SRPK2: variants seen among roughly 807,000 people sequenced by gnomAD.
The protein encoded by SRPK2 is SRSF protein kinase 2.
A neutral mutation model predicts 90.8 loss-of-function variants in SRPK2; 21 were observed. That is an observed-to-expected ratio of 0.23 (90% CI 0.16 to 0.33). The LOEUF (loss-of-function observed/expected upper bound fraction) is 0.33, where lower values mean the gene tolerates loss of function less well. SRPK2 is among the 10% of genes least tolerant of loss of function. The pLI, the probability that SRPK2 is intolerant of heterozygous loss-of-function variation, is 1.00. For missense variants in SRPK2, 620 were observed against 869.0 expected (o/e 0.71, Z 3.60); for synonymous variants, 288 against 311.1 (o/e 0.93, Z 0.78).
intron 2 of SRPK2, among the ~76,000 whole-genome samples, chr7:105,246,943 C>T (rs1673856341): frequency 6.6e-6 from 1 of 152,138 alleles, no homozygotes; most frequent in Non-Finnish European, 1.5e-5. Flanking sequence ...CTTCCAAGAG[C>T]CAGGCAGGTG....
At chr7:105,148,976 C>T (rs1160451860) in intron 7 of SRPK2, among the ~76,000 whole-genome samples, 1 of 152,170 alleles carries the variant, frequency 6.6e-6, no homozygotes, top group Non-Finnish European at 1.5e-5. Flanking sequence ...GCTGCAGGGA[C>T]CTCTGCCCTT....
chr7:105,300,291 A>C (rs1368119116), intron 2 of SRPK2, among the ~76,000 whole-genome samples: 1 of 149,248 alleles, frequency 6.7e-6, no homozygotes, highest in Non-Finnish European at 1.5e-5. Flanking sequence ...ATATATATAC[A>C]TATTTAGAAC....
At chr7:105,303,165 G>A (rs1003265186) in intron 2 of SRPK2, among the ~76,000 whole-genome samples, 3 of 152,096 alleles carry the variant, frequency 2.0e-5, no homozygotes, top group Non-Finnish European at 4.4e-5. Context: ...TCCCTTGTAG[G>A]GACATGGATG....
intron 2 of SRPK2, among the ~76,000 whole-genome samples, chr7:105,348,672 C>T (rs111843196): frequency 0.44 from 66,203 of 150,520 alleles, 16,005 homozygotes; most frequent in Non-Finnish European, 0.54. Context: ...ATCCAACTGC[C>T]TCGGCCTCCC....
chr7:105,317,577 GA>G (rs1234012564), intron 2 of SRPK2, among the ~76,000 whole-genome samples: 1 of 152,050 alleles, frequency 6.6e-6, no homozygotes, highest in Non-Finnish European at 1.5e-5. Flanking sequence ...TTGCTTTAAA[GA>G]AAATATACAA....
chr7:105,388,947 A>G (rs1388619301), upstream of SRPK2: 1 of 1,174,368 alleles, frequency 8.5e-7, no homozygotes. Context: ...CCGCCGCTCC[A>G]GCAGGGACCC....
intron 2 of SRPK2, among the ~76,000 whole-genome samples, chr7:105,236,383 TCAAC>T (rs1800144132): frequency 6.6e-6 from 1 of 152,160 alleles, no homozygotes; most frequent in African/African-American, 2.4e-5. Flanking sequence ...CATCTTCCCA[TCAAC>T]AGTATATCAT....
intron 2 of SRPK2, among the ~76,000 whole-genome samples, chr7:105,306,888 T>C (rs1289159872): frequency 2.6e-5 from 4 of 152,196 alleles, no homozygotes; most frequent in African/African-American, 9.7e-5. Flanking sequence ...ACTTACAACT[T>C]GATTATAGAT....
intron 7 of SRPK2, among the ~76,000 whole-genome samples, chr7:105,149,587 T>G (rs1321304379): frequency 6.6e-6 from 1 of 152,216 alleles, no homozygotes; most frequent in African/African-American, 2.4e-5. Context: ...TTTGTCTCTG[T>G]GTCTTATTTC....
intron 2 of SRPK2, among the ~76,000 whole-genome samples, chr7:105,300,570 T>G (rs141422178): frequency 6.8e-4 from 103 of 152,218 alleles, no homozygotes; most frequent in African/African-American, 2.5e-3. Flanking sequence ...AAAAATGACC[T>G]GAGTACAACC....
At chr7:105,155,982 G>A (rs1273375519) in intron 7 of SRPK2, among the ~76,000 whole-genome samples, 1 of 152,104 alleles carries the variant, frequency 6.6e-6, no homozygotes, top group Admixed American at 6.5e-5. Context: ...AAAAACGTAA[G>A]CTGGTAGATT....
At chr7:105,136,732 C>T (rs1056610020) in intron 11 of SRPK2, among the ~76,000 whole-genome samples, 5 of 152,286 alleles carry the variant, frequency 3.3e-5, no homozygotes, top group East Asian at 1.9e-4. Context: ...GGGGTCCTTA[C>T]AAGGACGACA....
At chr7:105,140,413 C>T (rs1418751323) in intron 11 of SRPK2, among the ~76,000 whole-genome samples, 2 of 151,982 alleles carry the variant, frequency 1.3e-5, no homozygotes, top group Non-Finnish European at 2.9e-5. Flanking sequence ...CCAGCCTGGC[C>T]AACATGGTGA....
intron 2 of SRPK2, among the ~76,000 whole-genome samples, chr7:105,342,257 G>C (rs1205960478): frequency 6.6e-6 from 1 of 151,766 alleles, no homozygotes; most frequent in African/African-American, 2.4e-5. Context: ...CCGGGAAGCA[G>C]AGGTTGCGGT....
chr7:105,301,766 C>T, intron 2 of SRPK2: 7 of 1,591,526 alleles, frequency 4.4e-6, no homozygotes, highest in Non-Finnish European at 6.0e-6. Flanking sequence ...GTATATTAGC[C>T]AAGTTACAGG....
At chr7:105,225,952 C>T (rs1236063280) in intron 2 of SRPK2, among the ~76,000 whole-genome samples, 2 of 152,122 alleles carry the variant, frequency 1.3e-5, no homozygotes, top group East Asian at 1.9e-4. Context: ...CAGCCACATG[C>T]GGGGGTTAGC....
chr7:105,174,515 T>C (rs772474862), intron 3 of SRPK2, among the ~76,000 whole-genome samples: 3 of 151,926 alleles, frequency 2.0e-5, no homozygotes, highest in Non-Finnish European at 2.9e-5. Context: ...CACTGAAAAC[T>C]TTCAAAGGAC....
intron 3 of SRPK2, among the ~76,000 whole-genome samples, chr7:105,193,101 T>C (rs1164490027): frequency 1.3e-5 from 2 of 152,246 alleles, no homozygotes; most frequent in African/African-American, 4.8e-5. Flanking sequence ...TTCTTGATCA[T>C]GAAATCCTTG....
chr7:105,245,793 A>C (rs1006559466), intron 2 of SRPK2, among the ~76,000 whole-genome samples: 12 of 152,172 alleles, frequency 7.9e-5, no homozygotes, highest in Non-Finnish European at 1.3e-4. Flanking sequence ...ATCTTCATGC[A>C]CTATGGCCTT....
Sources: allele counts gnomAD v4.1 joint callset (sites outside exome capture counted in the v4.1 genomes callset), GRCh38; gene constraint gnomAD v4.1.1; transcripts MANE v1.5; gene names NCBI Gene and HGNC (gene_info 2026-07-23, HGNC 2026-07-21).